Variants in MORN5 observed in about 807,000 individuals in gnomAD.
MORN5 encodes MORN repeat containing 5.
In MORN5, 21 loss-of-function variants were observed where a neutral mutation model predicts 22.1. That is an observed-to-expected ratio of 0.95 (90% CI 0.67 to 1.37). MORN5 has a LOEUF of 1.37. Ranked by LOEUF, MORN5 falls within the 40% of genes most tolerant of loss-of-function variation. MORN5 has a pLI of 0.00. For missense variants in MORN5, 211 were observed against 215.1 expected (o/e 0.98, Z 0.12); for synonymous variants, 73 against 74.0 (o/e 0.99, Z 0.07).
At position 122,197,216 on chromosome 9, in the gene MORN5, G is replaced by A. The variant is rs1829911427; in HGVS notation, c.440-2669G>A. On this transcript the variant is annotated intron_variant, in intron 4 of 4. Transcript: ENST00000373764. This position sits in a 1 kb window ranked among gnomAD's most constrained non-coding sequence, Gnocchi z 5.7. Reference sequence around the variant, plus strand: ...TGCACCACTGGCAGTTGTGCCAAGGGTAATAATTTACAATTGATTAAAGAG... The same window carrying A: ...TGCACCACTGGCAGTTGTGCCAAGGATAATAATTTACAATTGATTAAAGAG... 6.6e-6 allele frequency among the ~76,000 whole-genome samples: 1 copy of A among 152,104 alleles called. No individual in the cohort carries two copies. The highest frequency in any genetic ancestry group is 1.9e-4 in the East Asian group (1 of 5,190).
At chr9:122,166,503 G>A (rs946181018) in intron 1 of MORN5, among the ~76,000 whole-genome samples, 1 of 152,032 alleles carries the variant, frequency 6.6e-6, no homozygotes, top group African/African-American at 2.4e-5. Flanking sequence ...CCTACTAGGG[G>A]GGTTTATTTC....
At chr9:122,181,148 G>A (rs1829533193) in intron 4 of MORN5, among the ~76,000 whole-genome samples, 1 of 152,238 alleles carries the variant, frequency 6.6e-6, no homozygotes, top group Non-Finnish European at 1.5e-5. Flanking sequence ...TGGCTCTCAG[G>A]ACAAATCTGG....
chr9:122,194,226 C>A (rs528849861), intron 4 of MORN5, among the ~76,000 whole-genome samples: 1 of 152,170 alleles, frequency 6.6e-6, no homozygotes, highest in East Asian at 1.9e-4. Flanking sequence ...GGCCACATGG[C>A]TGGCCACAGG....
At chr9:122,199,433 G>A (rs778500526) in intron 4 of MORN5, among the ~76,000 whole-genome samples, 6 of 152,184 alleles carry the variant, frequency 3.9e-5, no homozygotes, top group Non-Finnish European at 5.9e-5. Context: ...TTAGTCCCCT[G>A]GAGAAACCAT....
rs753819048 is a variant in MORN5 at position 122,159,985 on chromosome 9, G to A, written c.13G>A (p.Gly5Arg). The change falls in exon 1 of 5, where the codon GGG becomes AGG. Residue 5 changes from glycine (G) to arginine (R), a missense_variant. Coordinates refer to ENST00000373764, the MANE Select transcript of MORN5 (RefSeq NM_198469.4). ...AAAAACAGGCGCCATGGAGTACACA[G>A]GGAGCAAATATATCGGGGAATATGT... Reference protein sequence around the residue: MEYTGSKYIGEYVDG... With the variant: MEYTRSKYIGEYVDG... 2 of 1,614,048 alleles carry A rather than the reference G, an allele frequency of 1.2e-6. No individual in the cohort carries two copies. Among genetic ancestry groups the A allele is most frequent in the South Asian group, 2.2e-5 (2 of 91,086 alleles).
At chr9:122,167,031 C>A in intron 2 of MORN5, 116 bp downstream of exon 2, 17 of 880,768 alleles carry the variant, frequency 1.9e-5, no homozygotes, top group South Asian at 7.0e-5. Context: ...TCACTCTTCT[C>A]TTTGCTTCTC....
At chr9:122,161,296 G>A (rs1829194830) in intron 1 of MORN5, among the ~76,000 whole-genome samples, 1 of 152,206 alleles carries the variant, frequency 6.6e-6, no homozygotes, top group African/African-American at 2.4e-5. Flanking sequence ...GATTCCTAGA[G>A]AGGGTGGTAG....
intron 4 of MORN5, among the ~76,000 whole-genome samples, chr9:122,194,113 G>C (rs1829836243): frequency 6.6e-6 from 1 of 152,188 alleles, no homozygotes; most frequent in Non-Finnish European, 1.5e-5. Flanking sequence ...TTCAGAACCG[G>C]AATAAAGACA....
Position 122,159,946 on chromosome 9 carries a change from A to G in MORN5, c.-27A>G. 1.9e-6 allele frequency: 3 copies of G among 1,612,966 alleles called. No homozygotes were observed. The highest frequency in any genetic ancestry group is 2.5e-6 in the Non-Finnish European group (3 of 1,178,940). ...CGTATCCACTGAGACTCCGGATCCT[A>G]ACAGCTGGAAGCTAAAAACAGGCGC... On this transcript the variant is annotated 5_prime_UTR_variant, in exon 1 of 5. Coordinates refer to ENST00000373764, the MANE Select transcript of MORN5 (RefSeq NM_198469.4).
At chr9:122,164,048 C>G (rs1291423555) in intron 1 of MORN5, among the ~76,000 whole-genome samples, 1 of 152,180 alleles carries the variant, frequency 6.6e-6, no homozygotes, top group Non-Finnish European at 1.5e-5. Context: ...CCATGCCCAG[C>G]TAATTGATAG....
chr9:122,185,285 C>A (rs367775289), intron 4 of MORN5, among the ~76,000 whole-genome samples: 2 of 151,658 alleles, frequency 1.3e-5, no homozygotes, highest in African/African-American at 4.9e-5. Flanking sequence ...TGCAGTGGTG[C>A]GATCTCGGCT....
In MORN5 at chr9:122,174,579, G is replaced by T. The variant is rs1227105268; in HGVS notation, c.391G>T (p.Val131Phe). 4 of 1,614,076 alleles carry T rather than the reference G, an allele frequency of 2.5e-6. No individual in the cohort carries two copies. The highest frequency in any genetic ancestry group is 3.4e-6 in the Non-Finnish European group (4 of 1,180,020). ...TTGTGGAGACGGCTTCTATAACCCA[G>T]TCACGAGGGTAGTCAAGGACTATAG... Reference protein sequence around the residue: ...YDCGDGFYNPVTRVVKDYRNR... With the variant: ...YDCGDGFYNPFTRVVKDYRNR... Residue 131 changes from valine to phenylalanine, a missense_variant, in exon 4 of 5, where the codon GTC becomes TTC. By Grantham distance (50) the Val-to-Phe change is conservative (BLOSUM62 -1). Coordinates refer to ENST00000373764, the MANE Select transcript of MORN5 (RefSeq NM_198469.4).
intron 3 of MORN5, among the ~76,000 whole-genome samples, chr9:122,172,977 C>A (rs1829387144): frequency 6.6e-6 from 1 of 152,186 alleles, no homozygotes; most frequent in Admixed American, 6.5e-5. Flanking sequence ...AATCACTCCT[C>A]CCGAATTAGT....
intron 4 of MORN5, among the ~76,000 whole-genome samples, chr9:122,196,501 T>A (rs1351600840): frequency 6.6e-6 from 1 of 152,066 alleles, no homozygotes; most frequent in Non-Finnish European, 1.5e-5. Context: ...GCCCAGCTAA[T>A]TTTTGTATTT....
chr9:122,196,798 A>G (rs1362450675), intron 4 of MORN5, among the ~76,000 whole-genome samples: 4 of 152,148 alleles, frequency 2.6e-5, no homozygotes, highest in Non-Finnish European at 4.4e-5. Flanking sequence ...ATGACATAGG[A>G]TATACTATGT....
chr9:122,198,245 G>C (rs1588322860), intron 4 of MORN5, among the ~76,000 whole-genome samples: 2 of 152,338 alleles, frequency 1.3e-5, no homozygotes, highest in South Asian at 4.1e-4. Context: ...CCTGGGTCTG[G>C]TGCCTTTCAC....
At position 122,163,978 on chromosome 9, in the gene MORN5, G is replaced by A. The variant is rs929563694; in HGVS notation, c.48-2790G>A. Among the ~76,000 whole-genome samples, 16 of 152,158 alleles carry A rather than the reference G, an allele frequency of 1.1e-4. 1 individual carries two copies. The South Asian group carries it at 2.3e-3, about 22-fold the overall frequency. The stretch of plus-strand genomic sequence containing the variant: ...GGCTCACAGCAATGTCCACCCCACC[G>A]GACTCAAGCGATCCTCCCACCTCAG... On this transcript the variant is annotated intron_variant, in intron 1 of 4. Coordinates refer to ENST00000373764, the MANE Select transcript of MORN5 (RefSeq NM_198469.4).
chr9:122,192,842 C>T (rs769884210), intron 4 of MORN5, among the ~76,000 whole-genome samples: 1 of 152,220 alleles, frequency 6.6e-6, no homozygotes, highest in Non-Finnish European at 1.5e-5. Flanking sequence ...GCTCTGTTTG[C>T]CCAGGGTGGG....
chr9:122,194,068 G>A (rs1362597894), intron 4 of MORN5, among the ~76,000 whole-genome samples: 1 of 152,204 alleles, frequency 6.6e-6, no homozygotes, highest in African/African-American at 2.4e-5. Context: ...TATGAGGGCA[G>A]GGCATGCAGG....
Sources: allele counts gnomAD v4.1 joint callset (sites outside exome capture counted in the v4.1 genomes callset), GRCh38; gene constraint gnomAD v4.1.1; non-coding constraint Gnocchi (gnomAD v3.1); transcripts MANE v1.5; gene names NCBI Gene and HGNC (gene_info 2026-07-23, HGNC 2026-07-21).